The following ANKRD12 variants were observed in gnomAD, a reference collection of about 807,000 sequenced individuals.
ANKRD12 encodes ankyrin repeat domain 12.
ANKRD12 carries 85 observed loss-of-function variants against 183.4 expected under a neutral mutation model. The observed-to-expected ratio is 0.46, with a 90% CI of 0.39 to 0.56. ANKRD12 has a LOEUF of 0.56. ANKRD12 is among the 20% of genes least tolerant of loss of function. The probability of loss-of-function intolerance (pLI) is 0.00; values close to 1 mark genes in which losing one functional copy is unlikely to be tolerated. For missense variants in ANKRD12, 2,405 were observed against 2,357.1 expected (o/e 1.02, Z -0.42); for synonymous variants, 914 against 800.2 (o/e 1.14, Z -2.40).
At chr18:9,236,042 A>G (rs2037327926) in intron 8 of ANKRD12, among the ~76,000 whole-genome samples, 1 of 152,140 alleles carries the variant, frequency 6.6e-6, no homozygotes, top group Non-Finnish European at 1.5e-5. Flanking sequence ...AGGGACCAGC[A>G]ATAGTGATAG....
In ANKRD12 at chr18:9,204,518, T is replaced by G. The variant is rs1166714069; in HGVS notation, c.278T>G (p.Leu93Arg). The change falls in exon 4 of 13, where the codon CTT becomes CGT. Residue 93 changes from leucine (L) to arginine (R), a missense_variant. By Grantham distance (102) the Leu-to-Arg change is moderately radical (BLOSUM62 -2). Coordinates refer to ENST00000262126, the MANE Select transcript of ANKRD12 (RefSeq NM_015208.5). ...ACAAGTGAAAATTGGGGGGAGAGAC[T>G]TATATCTTCTTACAGGACATACTCA... ...GHTSENWGER[L>R]ISSYRTYSEK... 1 of 1,600,918 alleles carries G rather than the reference T, an allele frequency of 6.2e-7. No homozygotes were observed. The highest frequency in any genetic ancestry group is 8.5e-7 in the Non-Finnish European group (1 of 1,171,328).
At chr18:9,166,116 A>G (rs1259049823) in intron 1 of ANKRD12, among the ~76,000 whole-genome samples, 9 of 152,066 alleles carry the variant, frequency 5.9e-5, no homozygotes, top group South Asian at 4.2e-4. Context: ...AATCCAGTCT[A>G]TCATTGTTGG....
chr18:9,195,194 G>C (rs1345232705), intron 2 of ANKRD12, among the ~76,000 whole-genome samples: 4 of 152,136 alleles, frequency 2.6e-5, no homozygotes, highest in Non-Finnish European at 5.9e-5. Context: ...GTGGAGGGTG[G>C]GAGGAGGGAG....
intron 9 of ANKRD12, 143 bp downstream of exon 9, chr18:9,259,074 T>A: frequency 9.9e-7 from 1 of 1,013,828 alleles, no homozygotes; most frequent in Non-Finnish European, 1.4e-6. Context: ...ATAAAGCTAG[T>A]AACGTTCTTG....
Position 9,283,020 on chromosome 18 carries a change from C to T in ANKRD12, c.*1894C>T, listed in dbSNP as rs1190866834. The stretch of plus-strand genomic sequence containing the variant: ...TCTGTTGAAGTTAAGTTTATTAAGC[C>T]TGGGAACATTAAAAGCTAATTTATA... On this transcript the variant is annotated 3_prime_UTR_variant, in exon 13 of 13. Transcript: ENST00000262126. The T allele has an allele frequency of 6.6e-6, 1 of 152,462 alleles. No individual in the cohort carries two copies. Among genetic ancestry groups the T allele is most frequent in the East Asian group, 1.9e-4 (1 of 5,196 alleles). The allele number at this position is 152,462 out of a possible 1,614,324, so 9.4% of individuals were successfully genotyped here.
At chr18:9,154,024 T>C (rs1267718513) in intron 1 of ANKRD12, among the ~76,000 whole-genome samples, 1 of 152,166 alleles carries the variant, frequency 6.6e-6, no homozygotes, top group Non-Finnish European at 1.5e-5. Flanking sequence ...TCATGTGTCT[T>C]TTCCATTAAT....
chr18:9,182,630 A>T (rs1362515330), intron 2 of ANKRD12, 111 bp downstream of exon 2: 1 of 571,308 alleles, frequency 1.8e-6, no homozygotes, highest in Non-Finnish European at 2.9e-6. Flanking sequence ...ATGCCAGATA[A>T]ATCCAAACCA....
At chr18:9,193,264 A>G (rs188149037) in intron 2 of ANKRD12, among the ~76,000 whole-genome samples, 1 of 150,948 alleles carries the variant, frequency 6.6e-6, no homozygotes, top group Non-Finnish European at 1.5e-5. Context: ...TCAGCCTCCC[A>G]AGTAGCTAGG....
At chr18:9,197,461 C>T (rs1239792198) in intron 3 of ANKRD12, among the ~76,000 whole-genome samples, 2 of 152,212 alleles carry the variant, frequency 1.3e-5, no homozygotes, top group Admixed American at 6.5e-5. Context: ...CCCCCTTTTT[C>T]CCCCTTCACA....
At chr18:9,166,648 T>G (rs980403156) in intron 1 of ANKRD12, among the ~76,000 whole-genome samples, 2 of 152,148 alleles carry the variant, frequency 1.3e-5, no homozygotes, top group African/African-American at 4.8e-5. Flanking sequence ...TTGCAAAAAT[T>G]TTCTCCCATT....
At chr18:9,250,625 A>G (rs1459996923) in intron 8 of ANKRD12, among the ~76,000 whole-genome samples, 1 of 152,162 alleles carries the variant, frequency 6.6e-6, no homozygotes, top group Non-Finnish European at 1.5e-5. Context: ...AGGTTGAGGC[A>G]GAAAGATCGT....
chr18:9,216,909 G>A lies in ANKRD12; in HGVS notation c.795+9G>A. On this transcript the variant is annotated intron_variant, in intron 7 of 12. Transcript: ENST00000262126. ...GTAGTGGGCACAGAGATGTAAGTATGATAGAAAAAAATCAATAATACACAT... is the reference window on the plus strand; with the variant it reads ...GTAGTGGGCACAGAGATGTAAGTATAATAGAAAAAAATCAATAATACACAT... 1 of 1,605,586 alleles carries A rather than the reference G, an allele frequency of 6.2e-7. No individual in the cohort carries two copies. The highest frequency in any genetic ancestry group is 8.5e-7 in the Non-Finnish European group (1 of 1,177,514).
intron 1 of ANKRD12, among the ~76,000 whole-genome samples, chr18:9,152,155 A>G (rs1280959743): frequency 1.3e-5 from 2 of 152,228 alleles, no homozygotes; most frequent in African/African-American, 4.8e-5. Flanking sequence ...GGTAGACTGG[A>G]GATGCCCCCT....
At chr18:9,145,410 A>G (rs969065301) in intron 1 of ANKRD12, among the ~76,000 whole-genome samples, 3 of 152,220 alleles carry the variant, frequency 2.0e-5, no homozygotes, top group African/African-American at 7.2e-5. Flanking sequence ...TGAAGGCAAT[A>G]TTATAGTATG....
intron 1 of ANKRD12, among the ~76,000 whole-genome samples, chr18:9,165,175 T>C (rs991727116): frequency 1.3e-5 from 2 of 152,176 alleles, no homozygotes; most frequent in Non-Finnish European, 2.9e-5. Context: ...TTTTTGATCT[T>C]TGTTGTTTTC....
Position 9,182,118 on chromosome 18 carries a change from G to C in ANKRD12, c.-51-264G>C, listed in dbSNP as rs141251622. Among the ~76,000 whole-genome samples, 209 of 152,278 alleles carry C rather than the reference G, an allele frequency of 1.4e-3. 1 individual carries two copies. Among genetic ancestry groups the C allele is most frequent in the African/African-American group, 4.9e-3 (203 of 41,558 alleles). On this transcript the variant is annotated intron_variant, in intron 1 of 12. Coordinates refer to ENST00000262126, the MANE Select transcript of ANKRD12 (RefSeq NM_015208.5). ...CTGAAAAGAGAAACGTTTTGTCACT[G>C]CTTCCACTTTCACTGCTTCTGGATA...
At chr18:9,247,270 C>T (rs1010825188) in intron 8 of ANKRD12, among the ~76,000 whole-genome samples, 8 of 149,652 alleles carry the variant, frequency 5.3e-5, no homozygotes, top group South Asian at 2.1e-4. Flanking sequence ...CTTGAGGCCT[C>T]GAGTTTGAGA....
At chr18:9,260,012 C>T (rs185629706) in intron 9 of ANKRD12, 2 of 152,194 alleles carry the variant, frequency 1.3e-5, no homozygotes, top group African/African-American at 4.8e-5. Context: ...AATAAGAACT[C>T]CAGACTTTGT....
At chr18:9,154,219 C>G (rs2030036829) in intron 1 of ANKRD12, among the ~76,000 whole-genome samples, 1 of 152,002 alleles carries the variant, frequency 6.6e-6, no homozygotes, top group Admixed American at 6.6e-5. Context: ...CCCAGCAGTT[C>G]AAGACCAGTC....
Sources: gnomAD v4.1 joint callset for allele counts (sites outside exome capture counted in the v4.1 genomes callset) on GRCh38, gnomAD v4.1.1 for gene constraint, MANE v1.5 for transcripts, NCBI Gene and HGNC (gene_info 2026-07-23, HGNC 2026-07-21) for gene names.